MTA3: variants seen among roughly 807,000 people sequenced by gnomAD.
MTA3 encodes the protein metastasis associated 1 family member 3.
In MTA3, 34 loss-of-function variants were observed where a neutral mutation model predicts 83.5. The observed-to-expected ratio is 0.41, with a 90% confidence interval of 0.31 to 0.54. MTA3 has a LOEUF of 0.54. MTA3 is among the 20% of genes least tolerant of loss of function. The pLI is 0.33. For missense variants in MTA3, 761 were observed against 726.4 expected (o/e 1.05, Z -0.55); for synonymous variants, 303 against 252.7 (o/e 1.20, Z -1.89).
At chr2:42,708,820 A>G in intron 13 of MTA3, 54 bp from the exon 14 acceptor site, 1 of 1,577,538 alleles carries the variant, frequency 6.3e-7, no homozygotes, top group Non-Finnish European at 8.7e-7. Flanking sequence ...GCAAACAGTA[A>G]CGTGTTTGGG....
intron 4 of MTA3, among the ~76,000 whole-genome samples, chr2:42,619,700 A>T (rs566581417): frequency 1.4e-4 from 22 of 152,342 alleles, no homozygotes; most frequent in African/African-American, 5.0e-4. Flanking sequence ...AACAATGAAA[A>T]TAAGGATTTT....
At chr2:42,620,780 C>G (rs1051705249) in intron 4 of MTA3, among the ~76,000 whole-genome samples, 3 of 152,208 alleles carry the variant, frequency 2.0e-5, no homozygotes, top group African/African-American at 7.2e-5. Flanking sequence ...GGGGATGAGC[C>G]ACTGGGCCCA....
At chr2:42,680,518 G>A (rs1270000832) in intron 8 of MTA3, among the ~76,000 whole-genome samples, 3 of 152,226 alleles carry the variant, frequency 2.0e-5, no homozygotes, top group Non-Finnish European at 4.4e-5. Context: ...AAGTCTGGGT[G>A]GGGGTGAGAG....
At chr2:42,653,706 T>C (rs137986879) in intron 6 of MTA3, among the ~76,000 whole-genome samples, 5 of 152,258 alleles carry the variant, frequency 3.3e-5, no homozygotes, top group Non-Finnish European at 7.3e-5. Flanking sequence ...AGAATTCTTC[T>C]AAGTCTTACT....
chr2:42,606,266 G>A (rs1355723506), intron 3 of MTA3, among the ~76,000 whole-genome samples: 1 of 149,844 alleles, frequency 6.7e-6, no homozygotes, highest in Non-Finnish European at 1.5e-5. Context: ...TCCCAGATGG[G>A]GTGGCTGCCG....
intron 2 of MTA3, among the ~76,000 whole-genome samples, chr2:42,557,615 C>A (rs1677460051): frequency 6.6e-6 from 1 of 152,130 alleles, no homozygotes; most frequent in Non-Finnish European, 1.5e-5. Context: ...TGAAGTGTCT[C>A]TGTAATACTC....
At chr2:42,627,725 A>ATTTTTTTTTTTTTTTTTTTTTTTTTTTTT (rs869227831) in intron 4 of MTA3, among the ~76,000 whole-genome samples, 1 of 103,384 alleles carries the variant, frequency 9.7e-6, no homozygotes, top group Non-Finnish European at 1.8e-5. Flanking sequence ...GCCTGGCTAA[A>ATTTTTTTTTTTTTTTTTTTTTTTTTTTTT]TTTTTTTTTT....
chr2:42,609,714 AT>A, intron 4 of MTA3, 130 bp downstream of exon 4: 3 of 1,057,256 alleles, frequency 2.8e-6, no homozygotes, highest in South Asian at 2.2e-5. Context: ...TCATAATGGA[AT>A]TTTAGGTTGG....
chr2:42,499,045 A>ATAAG (rs991196557), intron 2 of MTA3, among the ~76,000 whole-genome samples: 33 of 152,330 alleles, frequency 2.2e-4, no homozygotes, highest in African/African-American at 7.2e-4. Context: ...ACAGGGAGGT[A>ATAAG]TAAGTCAAAG....
At chr2:42,658,768 A>G (rs1689406544) in intron 7 of MTA3, among the ~76,000 whole-genome samples, 1 of 152,092 alleles carries the variant, frequency 6.6e-6, no homozygotes, top group Admixed American at 6.6e-5. Context: ...TTTAATTAAA[A>G]TATTTATAAA....
At chr2:42,593,222 C>T (rs549674094) in intron 3 of MTA3, among the ~76,000 whole-genome samples, 1 of 151,736 alleles carries the variant, frequency 6.6e-6, no homozygotes, top group East Asian at 1.9e-4. Flanking sequence ...TGCAGTGGCT[C>T]ACACCTGTAA....
intron 3 of MTA3, among the ~76,000 whole-genome samples, chr2:42,606,030 CA>C (rs1448322486): frequency 4.8e-4 from 4 of 8,274 alleles, no homozygotes; most frequent in Admixed American, 1.5e-3. Flanking sequence ...CTGACCCCCC[CA>C]CCTCCCTCCC....
chr2:42,535,122 C>T (rs996743925), intron 2 of MTA3, among the ~76,000 whole-genome samples: 1 of 151,210 alleles, frequency 6.6e-6, no homozygotes. Flanking sequence ...CGCGGTGGCT[C>T]ACGCCTGTAA....
intron 9 of MTA3, among the ~76,000 whole-genome samples, chr2:42,686,411 G>C (rs1043437054): frequency 2.6e-5 from 4 of 152,138 alleles, no homozygotes; most frequent in African/African-American, 9.7e-5. Flanking sequence ...CACAGGCTGG[G>C]TGTGGTGGGT....
At chr2:42,613,863 G>C (rs905773062) in intron 4 of MTA3, 3 of 152,166 alleles carry the variant, frequency 2.0e-5, no homozygotes, top group African/African-American at 7.2e-5. Context: ...TCTCTTGTTT[G>C]TGAGATAGAT....
intron 3 of MTA3, among the ~76,000 whole-genome samples, chr2:42,586,544 CACAAGG>C (rs1290458327): frequency 3.7e-5 from 5 of 133,810 alleles, no homozygotes; most frequent in Admixed American, 7.7e-5. Flanking sequence ...AACACACACA[CACAAGG>C]AAGGAAAACA....
chr2:42,707,965 A>G lies in MTA3; in HGVS notation c.1213A>G (p.Ile405Val), dbSNP rs1437313145. The change falls in exon 13 of 17, where the codon ATT becomes GTT. Residue 405 changes from isoleucine (I) to valine (V), a missense_variant. Coordinates refer to ENST00000405094, the MANE Select transcript of MTA3 (RefSeq NM_001330442.2). ...TAATATGCAGTGTAGATTATGTGCA[A>G]TTTGTTGGCTTTATTGGAAAAAATA... ...PPNMQCRLCA[I>V]CWLYWKKYGG... 2 of 1,611,674 alleles carry G rather than the reference A, an allele frequency of 1.2e-6. No individual in the cohort carries two copies. Among genetic ancestry groups the G allele is most frequent in the Middle Eastern group, 1.7e-4 (1 of 6,060 alleles).
At position 42,719,040 on chromosome 2, in the gene MTA3, T is replaced by C; in HGVS notation, c.1578T>C (p.Thr526=). ...LSGSPLKSKS[T]RKPLACIIGY... The stretch of plus-strand genomic sequence containing the variant: ...GAAGTCCACTGAAAAGCAAAAGCAC[T>C]AGGAAGCCTTTGGCATGTATCATTG... The change falls in exon 15 of 17, where the codon ACT becomes ACC. Residue 526 remains threonine (T), a synonymous_variant. Coordinates refer to ENST00000405094, the MANE Select transcript of MTA3 (RefSeq NM_001330442.2). 1 of 1,550,414 alleles carries C rather than the reference T, an allele frequency of 6.4e-7. No homozygotes were observed. The highest frequency in any genetic ancestry group is 1.2e-5 in the South Asian group (1 of 84,060).
chr2:42,596,521 A>G (rs1288546040), intron 3 of MTA3, among the ~76,000 whole-genome samples: 4 of 152,212 alleles, frequency 2.6e-5, no homozygotes, highest in Admixed American at 2.6e-4. Context: ...TAAATATTAT[A>G]AAGGTTTATT....
Sources: gnomAD v4.1 joint callset for allele counts (sites outside exome capture counted in the v4.1 genomes callset) on GRCh38, gnomAD v4.1.1 for gene constraint, MANE v1.5 for transcripts, NCBI Gene and HGNC (gene_info 2026-07-23, HGNC 2026-07-21) for gene names.